The following PER3 variants were observed in gnomAD, a reference collection of about 807,000 sequenced individuals.
PER3 encodes the protein period circadian protein homolog 3.
Under a neutral mutation model 127.2 loss-of-function variants are expected in PER3, and 107 were observed. The ratio of observed to expected loss-of-function variants is 0.84; its 90% CI spans 0.72 to 0.99. The LOEUF is 0.99. Ranked by LOEUF, PER3 falls within the 50% of genes least tolerant of loss-of-function variation. The pLI is 0.00. For synonymous variants in PER3, 618 were observed against 585.8 expected, an observed-to-expected ratio of 1.05 and a Z score of -0.79; for missense variants, 1,560 against 1,525.8, an observed-to-expected ratio of 1.02 and a Z score of -0.37.
Position 7,827,334 on chromosome 1 carries a change from AG to A in PER3, c.2407del (p.Ala803ProfsTer54). The A allele has an allele frequency of 6.2e-7, 1 of 1,613,904 alleles. No homozygotes were observed. Among genetic ancestry groups the A allele is most frequent in the Non-Finnish European group, 8.5e-7 (1 of 1,179,946 alleles). ...TFPPAAMVPS[Q>X]APYLVPAFPL... ...CCACCTGCCGCCATGGTGCCCAGCC[AG>A]GCCCCTTACCTCGTCCCAGCTTTTC... On this transcript the variant is annotated frameshift_variant, in exon 18 of 22. Transcript: ENST00000377532. LOFTEE classifies it high-confidence loss of function.
intron 6 of PER3, among the ~76,000 whole-genome samples, chr1:7,796,478 C>A (rs535780011): frequency 6.6e-6 from 1 of 152,076 alleles, no homozygotes; most frequent in African/African-American, 2.4e-5. Flanking sequence ...ACCGCCACAG[C>A]TAATTTTTAT....
intron 10 of PER3, among the ~76,000 whole-genome samples, chr1:7,804,329 A>AGG (rs2097183606): frequency 6.6e-6 from 1 of 150,632 alleles, no homozygotes; most frequent in African/African-American, 2.4e-5. Flanking sequence ...TTTTTTTTAA[A>AGG]GATCTCTTTA....
At chr1:7,831,076 ATGATAT>A (rs904618680) in intron 19 of PER3, among the ~76,000 whole-genome samples, 3 of 152,168 alleles carry the variant, frequency 2.0e-5, no homozygotes, top group African/African-American at 4.8e-5. Flanking sequence ...TATCTTCCTG[ATGATAT>A]TGAGTGTTTT....
At chr1:7,789,602 C>T (rs2097109546) in intron 5 of PER3, among the ~76,000 whole-genome samples, 1 of 152,122 alleles carries the variant, frequency 6.6e-6, no homozygotes, top group Non-Finnish European at 1.5e-5. Flanking sequence ...TGCAAACGGA[C>T]CTAATACACC....
At chr1:7,839,216 G>T (rs1254525857) in intron 21 of PER3, among the ~76,000 whole-genome samples, 2 of 152,132 alleles carry the variant, frequency 1.3e-5, no homozygotes, top group Non-Finnish European at 2.9e-5. Context: ...ACAAAAACTC[G>T]CTTCTGTAGA....
chr1:7,786,369 C>T (rs1277646636), intron 3 of PER3, among the ~76,000 whole-genome samples: 1 of 152,072 alleles, frequency 6.6e-6, no homozygotes, highest in Non-Finnish European at 1.5e-5. Context: ...TCATTAAAGC[C>T]ATATTCTCTT....
intron 18 of PER3, 68 bp downstream of exon 18, chr1:7,827,883 G>A (rs1195652840): frequency 3.2e-5 from 41 of 1,263,454 alleles, no homozygotes; most frequent in Non-Finnish European, 4.6e-5. Flanking sequence ...AGGTGGTTGC[G>A]TTGGGACTCA....
chr1:7,838,269 T>G (rs1030127848), intron 21 of PER3, among the ~76,000 whole-genome samples: 5 of 152,182 alleles, frequency 3.3e-5, no homozygotes, highest in Admixed American at 2.0e-4. Flanking sequence ...GAATATTAAA[T>G]ATTTTCACAT....
chr1:7,793,270 C>T (rs1017685209), intron 5 of PER3, among the ~76,000 whole-genome samples: 1 of 152,156 alleles, frequency 6.6e-6, no homozygotes, highest in Non-Finnish European at 1.5e-5. Context: ...AAATTTCAGT[C>T]CCCTCATCTC....
Position 7,804,051 on chromosome 1 carries a change from A to G in PER3, c.1136+203A>G, listed in dbSNP as rs78370760. On this transcript the variant is annotated intron_variant, in intron 10 of 21. Transcript: ENST00000377532. ...ATATCAGCCTTAAAGTAGCTTAAAT[A>G]TCCATCATTAAGTAAACTCTGGAAT... The G allele has an allele frequency of 2.1e-3, 877 of 421,784 alleles. 5 individuals carry two copies. The highest frequency in any genetic ancestry group is 0.015 in the African/African-American group (742 of 49,392). 26.1% of individuals were successfully genotyped at this position (421,784 alleles called of 1,614,324 possible).
intron 21 of PER3, among the ~76,000 whole-genome samples, chr1:7,842,043 G>A (rs1040481776): frequency 1.3e-5 from 2 of 152,086 alleles, no homozygotes; most frequent in Admixed American, 6.5e-5. Context: ...GAATACTGTA[G>A]GCCGTTGTAA....
chr1:7,830,151 A>C lies in PER3; in HGVS notation c.3204A>C (p.Ser1068=). The C allele has an allele frequency of 6.2e-7, 1 of 1,613,772 alleles. No homozygotes were observed. Among genetic ancestry groups the C allele is most frequent in the East Asian group, 2.2e-5 (1 of 44,886 alleles). Residue 1068 remains serine, a synonymous_variant, in exon 19 of 22, where the codon TCA becomes TCC. Transcript: ENST00000377532. ...PPSESPSRTG[S]AASGSSDSSI... ...GCGAATCCCCATCCAGAACTGGTTC[A>C]GCAGCATCAGGTAGTGGATCAGGAC... is the stretch of plus-strand genomic sequence containing the variant.
At chr1:7,809,142 G>A (rs1029366910) in intron 11 of PER3, 144 bp downstream of exon 11, 9 of 564,144 alleles carry the variant, frequency 1.6e-5, no homozygotes, top group African/African-American at 1.2e-4. Context: ...TTCTCTTTTC[G>A]TTTTTAAATT....
In PER3 at chr1:7,809,261, C is replaced by T. The variant is rs372335851; in HGVS notation, c.1242+263C>T. Among the ~76,000 whole-genome samples, 9 of 152,210 alleles carry T rather than the reference C, an allele frequency of 5.9e-5. No individual in the cohort carries two copies. In the East Asian group the frequency reaches 1.3e-3, roughly 23 times the overall value. On this transcript the variant is annotated intron_variant, in intron 11 of 21. Coordinates refer to ENST00000377532, the MANE Select transcript of PER3 (RefSeq NM_001377275.1). ...AGAGAATTATTACATTCCAAAGGCACCAGCGTGCTCAGCCTTTGGGTTTTG... is the reference window on the plus strand; with the variant it reads ...AGAGAATTATTACATTCCAAAGGCATCAGCGTGCTCAGCCTTTGGGTTTTG...
chr1:7,799,956 T>A (rs1325890939), intron 7 of PER3, among the ~76,000 whole-genome samples: 3 of 150,996 alleles, frequency 2.0e-5, no homozygotes, highest in African/African-American at 7.4e-5. Flanking sequence ...TTATTTATTT[T>A]TTGTAGAGAC....
chr1:7,794,918 AAT>A (rs1347115030), intron 6 of PER3, among the ~76,000 whole-genome samples: 3 of 151,630 alleles, frequency 2.0e-5, no homozygotes, highest in African/African-American at 2.4e-5. Context: ...ATGATATAAT[AAT>A]ATGTTCTTTT....
In PER3 at chr1:7,843,880, A is replaced by G; in HGVS notation, c.*1125A>G. The stretch of plus-strand genomic sequence containing the variant: ...GATTGTTTACTTGATAAATCAGCTC[A>G]CTCTCTGGTGCTTTTTAGAGAAGTC... On this transcript the variant is annotated 3_prime_UTR_variant, in exon 22 of 22. Transcript: ENST00000377532. The G allele has an allele frequency of 3.2e-6, 4 of 1,238,726 alleles. No homozygotes were observed. The highest frequency in any genetic ancestry group is 4.2e-6 in the Non-Finnish European group (4 of 960,488). The allele number at this position is 1,238,726 out of a possible 1,614,324, so 76.7% of individuals were successfully genotyped here.
intron 6 of PER3, 144 bp from the exon 7 acceptor site, chr1:7,798,381 C>G (rs1401645093): frequency 3.1e-6 from 2 of 637,654 alleles, no homozygotes; most frequent in East Asian, 5.5e-5. Flanking sequence ...CATATTCTTT[C>G]TTTTGAAAAC....
intron 11 of PER3, 53 bp from the exon 12 acceptor site, chr1:7,809,840 G>A (rs1357976237): frequency 5.1e-6 from 8 of 1,565,572 alleles, no homozygotes; most frequent in Non-Finnish European, 7.0e-6. Context: ...GCTCTGCGGT[G>A]GCTGCATTTG....
Sources: allele counts gnomAD v4.1 joint callset (sites outside exome capture counted in the v4.1 genomes callset), GRCh38; gene constraint gnomAD v4.1.1; transcripts MANE v1.5; gene names NCBI Gene and HGNC (gene_info 2026-07-23, HGNC 2026-07-21).